The following PROZ variants were observed in gnomAD, a reference collection of about 807,000 sequenced individuals.
PROZ encodes protein Z, vitamin K dependent plasma glycoprotein.
PROZ carries 46 observed loss-of-function variants against 34.9 expected under a neutral mutation model. The observed-to-expected ratio is 1.32, with a 90% CI of 1.04 to 1.69. The LOEUF (loss-of-function observed/expected upper bound fraction) is 1.69. PROZ is among the 40% of genes most tolerant of loss of function. The probability of loss-of-function intolerance (pLI) is 0.00; values close to 1 mark genes in which losing one functional copy is unlikely to be tolerated. For missense variants in PROZ, 530 were observed against 520.4 expected (o/e 1.02, Z -0.18); for synonymous variants, 195 against 208.5 (o/e 0.94, Z 0.56).
chr13:113,159,935 G>A lies in PROZ; in HGVS notation c.71-79G>A. 6.4e-7 allele frequency: 1 copy of A among 1,569,668 alleles called. No homozygotes were observed. Among genetic ancestry groups the A allele is most frequent in the Non-Finnish European group, 8.8e-7 (1 of 1,142,190 alleles). ...CGGACGGGGCTGGGGCTGGCGGCCG[G>A]CCGGGGAGGAAGCCAGGCAGCTCTG... is the stretch of plus-strand genomic sequence containing the variant. On this transcript the variant is annotated intron_variant, in intron 1 of 7. Transcript: ENST00000375547. This position sits in a 1 kb window ranked among gnomAD's most constrained non-coding sequence, Gnocchi z 4.6.
At chr13:113,162,903 ATCCTCCTCCTGCTC>A in intron 3 of PROZ, 92 bp from the exon 4 acceptor site, 6 of 242,906 alleles carry the variant, frequency 2.5e-5, no homozygotes, top group Admixed American at 5.9e-5. Context: ...CCCCCACTCC[ATCCTCCTCCTGCTC>A]AGGTCCCCAT....
At position 113,160,060 on chromosome 13, in the gene PROZ, G is replaced by A. The variant is rs780438461; in HGVS notation, c.117G>A (p.Lys39=). The A allele has an allele frequency of 2.5e-6, 4 of 1,614,214 alleles. No homozygotes were observed. The South Asian group carries it at 4.4e-5, about 18-fold the overall frequency. The change falls in exon 2 of 8, where the codon AAG becomes AAA. Residue 39 remains lysine, a synonymous_variant. Transcript: ENST00000375547. The part of the protein sequence containing the change: ...SKANDVLVRW[K]RAGSYLLEEL... ...CAAACGACGTTCTGGTGAGGTGGAA[G>A]CGTGCGGGCTCCTATCTTCTGGAAG...
At chr13:113,164,105 G>C (rs1291855345) in intron 4 of PROZ, among the ~76,000 whole-genome samples, 1 of 151,670 alleles carries the variant, frequency 6.6e-6, no homozygotes, top group African/African-American at 2.4e-5. Flanking sequence ...TCAGCCTCCC[G>C]AGTAACTGGG....
intron 4 of PROZ, among the ~76,000 whole-genome samples, chr13:113,164,114 G>C (rs2036841246): frequency 6.6e-6 from 1 of 151,922 alleles, no homozygotes; most frequent in African/African-American, 2.4e-5. Context: ...CGAGTAACTG[G>C]GACTACAGGC....
At position 113,164,626 on chromosome 13, in the gene PROZ, A is replaced by T. The variant is rs2036865391; in HGVS notation, c.487A>T (p.Lys163Ter). 6.2e-7 allele frequency: 1 copy of T among 1,613,612 alleles called. No homozygotes were observed. The highest frequency in any genetic ancestry group is 1.3e-5 in the African/African-American group (1 of 74,926). Residue 163 changes from lysine (K) to a stop codon, truncating the protein, a stop_gained, in exon 5 of 8, where the codon AAA becomes TAA. Transcript: ENST00000375547. LOFTEE classifies it high-confidence loss of function. ...GGGCTACAGGCTTGGTGAGGACCAC[A>T]AACAGTGTGTGCCCCACGGTGAGTG... ...AQGYRLGEDH[K>*]QCVPHDQCAC...
rs376463291 is a variant in PROZ, at chr13:113,158,688, G to A, written c.28G>A (p.Gly10Ser). 26 of 1,606,580 alleles carry A rather than the reference G, an allele frequency of 1.6e-5. No individual in the cohort carries two copies. The highest frequency in any genetic ancestry group is 2.2e-5 in the Non-Finnish European group (26 of 1,177,206). ...GGCAGGCTGCGTCCCACTGCTCCAGGGCCTGGTCCTGGTCCTCGCCCTCCA... is the reference window on the plus strand; with the variant it reads ...GGCAGGCTGCGTCCCACTGCTCCAGAGCCTGGTCCTGGTCCTCGCCCTCCA... Reference protein sequence around the residue: MAGCVPLLQGLVLVLALHRV... With the variant: MAGCVPLLQSLVLVLALHRV... The change falls in exon 1 of 8, where the codon GGC becomes AGC. Residue 10 changes from glycine (G) to serine (S), a missense_variant. Coordinates refer to ENST00000375547, the MANE Select transcript of PROZ (RefSeq NM_003891.3). The surrounding 1 kb of genome is among the most constrained non-coding windows in gnomAD (Gnocchi z 4.3).
intron 2 of PROZ, among the ~76,000 whole-genome samples, chr13:113,160,612 C>A (rs1051480816): frequency 4.6e-5 from 7 of 152,154 alleles, no homozygotes; most frequent in African/African-American, 1.4e-4. Flanking sequence ...ATATCATGTG[C>A]TTTTGTGGAG....
chr13:113,168,411 G>A (rs771694024), intron 6 of PROZ, among the ~76,000 whole-genome samples: 1 of 152,220 alleles, frequency 6.6e-6, no homozygotes, highest in Non-Finnish European at 1.5e-5. Flanking sequence ...ATCTATGAAA[G>A]GCATTGCGTC....
chr13:113,171,647 G>C lies in PROZ; in HGVS notation c.745G>C (p.Val249Leu), dbSNP rs764437903. 8.7e-6 allele frequency: 14 copies of C among 1,614,148 alleles called. No homozygotes were observed. The highest frequency in any genetic ancestry group is 1.6e-4 in the Middle Eastern group (1 of 6,062). ...PLMIKITHVH[V>L]HMRYDADAGE... is the part of the protein sequence containing the mutation. The stretch of plus-strand genomic sequence containing the variant: ...GATGATCAAGATAACGCACGTCCAT[G>C]TGCACATGCGGTATGACGCGGACGC... The change falls in exon 8 of 8, where the codon GTG (valine) becomes CTG (leucine). Residue 249 changes from valine to leucine, a missense_variant. Transcript: ENST00000375547. This position sits in a 1 kb window ranked among gnomAD's most constrained non-coding sequence, Gnocchi z 5.1.
At chr13:113,163,303 C>T (rs191887119) in intron 4 of PROZ, among the ~76,000 whole-genome samples, 181 bp downstream of exon 4, 8 of 152,138 alleles carry the variant, frequency 5.3e-5, no homozygotes, top group South Asian at 2.1e-4. Flanking sequence ...CCAGAAACCA[C>T]GCCGGGGGCT....
chr13:113,160,000 TGTCTC>T lies in PROZ; in HGVS notation c.71-9_71-5del. 1 of 1,613,642 alleles carries T rather than the reference TGTCTC, an allele frequency of 6.2e-7. No homozygotes were observed. Among genetic ancestry groups the T allele is most frequent in the Non-Finnish European group, 8.5e-7 (1 of 1,179,996 alleles). On this transcript the variant is annotated splice_polypyrimidine_tract_variant and intron_variant, in intron 1 of 7. Transcript: ENST00000375547. The surrounding 1 kb of genome is among the most constrained non-coding windows in gnomAD (Gnocchi z 4.6). ...CGGTGCTCCCAGTCACCTGCCTTCT[TGTCTC>T]GTCTGTAGTATTTCTCCCGGCCTCC...
At position 113,171,759 on chromosome 13, in the gene PROZ, A is replaced by C; in HGVS notation, c.857A>C (p.Asp286Ala). 6.2e-7 allele frequency: 1 copy of C among 1,612,014 alleles called. No homozygotes were observed. The highest frequency in any genetic ancestry group is 1.3e-5 in the African/African-American group (1 of 75,016). ...AGLPVCTPEK[D>A]FAEHLLIPRT... ...CTCCCCGTGTGCACCCCTGAGAAAG[A>C]CTTCGCTGAGCACCTCCTCATCCCA... Residue 286 changes from aspartate (D) to alanine (A), a missense_variant, in exon 8 of 8, where the codon GAC (aspartate) becomes GCC (alanine). Transcript: ENST00000375547. The surrounding 1 kb of genome is among the most constrained non-coding windows in gnomAD (Gnocchi z 5.1).
rs777584939 is a variant in PROZ at position 113,159,217 on chromosome 13, G to A, written c.70+487G>A. ...CCACCAGCCACTTCACTGAAGGAAC[G>A]ACATGGACTCCATTCTGACTCTGCC... On this transcript the variant is annotated intron_variant, in intron 1 of 7. Coordinates refer to ENST00000375547, the MANE Select transcript of PROZ (RefSeq NM_003891.3). This position sits in a 1 kb window ranked among gnomAD's most constrained non-coding sequence, Gnocchi z 4.6. 2.6e-6 allele frequency: 4 copies of A among 1,547,152 alleles called. No individual in the cohort carries two copies. Among genetic ancestry groups the A allele is most frequent in the Middle Eastern group, 1.7e-4 (1 of 6,010 alleles).
At chr13:113,170,627 T>C (rs564792056) in intron 7 of PROZ, 97 bp downstream of exon 7, 34 of 807,310 alleles carry the variant, frequency 4.2e-5, no homozygotes, top group Middle Eastern at 7.1e-4. Context: ...CTGTTTCTAA[T>C]GCAACATAGA....
chr13:113,162,938 A>ACCC, intron 3 of PROZ, 71 bp from the exon 4 acceptor site: 1 of 451,638 alleles, frequency 2.2e-6, no homozygotes, highest in Admixed American at 4.2e-5. Flanking sequence ...TCCTGTCACC[A>ACCC]CCCCCACCCT....
chr13:113,159,404 G>A lies in PROZ; in HGVS notation c.71-610G>A. The A allele has an allele frequency of 1.2e-6, 1 of 868,978 alleles. No individual in the cohort carries two copies. Among genetic ancestry groups the A allele is most frequent in the Non-Finnish European group, 1.8e-6 (1 of 556,372 alleles). The allele number at this position is 868,978 out of a possible 1,614,324, so 53.8% of individuals were successfully genotyped here. A position where few individuals can be genotyped will look rare whatever the true frequency, so the allele number is the denominator to read the frequency against. On this transcript the variant is annotated intron_variant, in intron 1 of 7. Transcript: ENST00000375547. This position sits in a 1 kb window ranked among gnomAD's most constrained non-coding sequence, Gnocchi z 4.6. ...CGGACTTAGCTGAGCCCCCCCTGCT[G>A]TAACCCTCAGCACCGAGAGAAAAGG...
intron 4 of PROZ, among the ~76,000 whole-genome samples, chr13:113,163,982 T>C (rs2036834464): frequency 1.5e-5 from 2 of 134,550 alleles, no homozygotes. Flanking sequence ...TTTTTTTTAA[T>C]TTTTATTTTA....
At chr13:113,168,167 A>G (rs510160) in intron 6 of PROZ, among the ~76,000 whole-genome samples, 107,451 of 152,148 alleles carry the variant, frequency 0.71, 38,704 homozygotes, top group Middle Eastern at 0.81. Flanking sequence ...AGTATCCTGT[A>G]AAGAAGTTTA....
In PROZ at chr13:113,172,012, C is replaced by A. The variant is rs1227217488; in HGVS notation, c.1110C>A (p.Val370=). Reference sequence around the variant, plus strand: ...GAGGCTCCTGGTTTCTCACGGGGGTCCTGGGCTCGCAGCCAGTAGGAGGGC... The same window carrying A: ...GAGGCTCCTGGTTTCTCACGGGGGTACTGGGCTCGCAGCCAGTAGGAGGGC... ...EHRGSWFLTG[V]LGSQPVGGQA... is the part of the protein sequence containing the mutation. The change falls in exon 8 of 8, where the codon GTC becomes GTA. Residue 370 remains valine, a synonymous_variant. Coordinates refer to ENST00000375547, the MANE Select transcript of PROZ (RefSeq NM_003891.3). 6.2e-7 allele frequency: 1 copy of A among 1,613,028 alleles called. No individual in the cohort carries two copies. The highest frequency in any genetic ancestry group is 2.2e-5 in the East Asian group (1 of 44,894).
Sources: gnomAD v4.1 joint callset for allele counts (sites outside exome capture counted in the v4.1 genomes callset) on GRCh38, gnomAD v4.1.1 for gene constraint, Gnocchi (gnomAD v3.1) non-coding constraint, MANE v1.5 for transcripts, NCBI Gene and HGNC (gene_info 2026-07-23, HGNC 2026-07-21) for gene names.